Variants in KCNH1 observed in about 807,000 individuals in gnomAD.
KCNH1 encodes voltage-gated delayed rectifier potassium channel KCNH1.
Under a neutral mutation model 69.2 loss-of-function variants are expected in KCNH1, and 27 were observed. That is an observed-to-expected ratio of 0.39 (90% CI 0.29 to 0.54). The LOEUF is 0.54. KCNH1 is among the 20% of genes least tolerant of loss of function. The pLI is 0.68. For missense variants in KCNH1, 798 were observed against 1,261.6 expected, an observed-to-expected ratio of 0.63 and a Z score of 5.57; for synonymous variants, 456 against 487.7, an observed-to-expected ratio of 0.93 and a Z score of 0.86.
chr1:210,806,836 AATAT>A (rs1553346590), intron 7 of KCNH1, among the ~76,000 whole-genome samples: 5 of 85,684 alleles, frequency 5.8e-5, no homozygotes, highest in East Asian at 4.2e-4. Flanking sequence ...AAAAAAAAAA[AATAT>A]ATATATATAT....
intron 6 of KCNH1, among the ~76,000 whole-genome samples, chr1:210,966,784 C>T (rs1013788854): frequency 2.0e-5 from 3 of 152,274 alleles, no homozygotes; most frequent in Admixed American, 2.0e-4. Flanking sequence ...TAAATTAGTT[C>T]AACCATTGTG....
chr1:210,991,773 G>T (rs1372977176), intron 6 of KCNH1, among the ~76,000 whole-genome samples: 1 of 152,084 alleles, frequency 6.6e-6, no homozygotes, highest in Non-Finnish European at 1.5e-5. Context: ...AATAAAGTAA[G>T]ATTTAAATTG....
intron 6 of KCNH1, among the ~76,000 whole-genome samples, chr1:211,009,633 G>T (rs1315825844): frequency 6.6e-6 from 1 of 151,248 alleles, no homozygotes; most frequent in East Asian, 1.9e-4. Flanking sequence ...TTTTGAGATG[G>T]AGTCGCGCTC....
At chr1:210,956,278 T>C (rs541316957) in intron 6 of KCNH1, among the ~76,000 whole-genome samples, 32 of 152,348 alleles carry the variant, frequency 2.1e-4, no homozygotes, top group African/African-American at 7.5e-4. Context: ...GGAAAAGATT[T>C]TGATGTGCTG....
intron 1 of KCNH1, among the ~76,000 whole-genome samples, chr1:211,117,335 C>G (rs1312970974): frequency 6.6e-6 from 1 of 152,084 alleles, no homozygotes; most frequent in African/African-American, 2.4e-5. Flanking sequence ...AGCTCTCTCC[C>G]CCTTGCATCT....
At position 210,680,914 on chromosome 1, in the gene KCNH1, C is replaced by A. The variant is rs1364299867; in HGVS notation, c.*2367G>T. The A allele has an allele frequency of 6.6e-6, 1 of 152,190 alleles. No individual in the cohort carries two copies. Among genetic ancestry groups the A allele is most frequent in the Non-Finnish European group, 1.5e-5 (1 of 68,042 alleles). 9.4% of individuals were successfully genotyped at this position (152,190 alleles called of 1,614,324 possible). A position where few individuals can be genotyped will look rare whatever the true frequency, so the allele number is the denominator to read the frequency against. The stretch of plus-strand genomic sequence containing the variant: ...CCTTATACCATCTTTGCCCCTCATA[C>A]CCAGAGGTCTGAGAAATTTCACGGA... On this transcript the variant is annotated 3_prime_UTR_variant, in exon 11 of 11. Coordinates refer to ENST00000271751, the MANE Select transcript of KCNH1 (RefSeq NM_172362.3).
intron 1 of KCNH1, among the ~76,000 whole-genome samples, chr1:211,113,540 G>A (rs1361932439): frequency 1.3e-5 from 2 of 152,124 alleles, no homozygotes; most frequent in Admixed American, 6.5e-5. Flanking sequence ...TAACAGTCCT[G>A]CTCCCATACA....
intron 1 of KCNH1, among the ~76,000 whole-genome samples, chr1:211,112,695 G>A (rs2102490883): frequency 6.6e-6 from 1 of 152,050 alleles, no homozygotes; most frequent in Admixed American, 6.5e-5. Flanking sequence ...ATAGCTCTAG[G>A]GAGCAAGATT....
intron 7 of KCNH1, among the ~76,000 whole-genome samples, chr1:210,810,859 C>T (rs530103454): frequency 2.9e-4 from 44 of 152,252 alleles, no homozygotes; most frequent in African/African-American, 9.1e-4. Flanking sequence ...GATATCCACT[C>T]GTATTTAAGA....
At chr1:210,763,977 G>C (rs1007207186) in intron 10 of KCNH1, among the ~76,000 whole-genome samples, 2 of 151,860 alleles carry the variant, frequency 1.3e-5, no homozygotes, top group African/African-American at 4.8e-5. Context: ...AGTACATTAC[G>C]AGGTTACAGT....
intron 7 of KCNH1, among the ~76,000 whole-genome samples, chr1:210,871,096 C>T (rs1474981125): frequency 6.6e-6 from 1 of 152,108 alleles, no homozygotes; most frequent in Admixed American, 6.5e-5. Context: ...AAAGAAACTA[C>T]CATCAGAGTG....
chr1:211,129,883 G>A (rs1691846093), intron 1 of KCNH1, among the ~76,000 whole-genome samples: 1 of 152,192 alleles, frequency 6.6e-6, no homozygotes, highest in South Asian at 2.1e-4. Flanking sequence ...AATGTGCTGT[G>A]TTTCACTCCT....
intron 10 of KCNH1, among the ~76,000 whole-genome samples, chr1:210,695,833 C>T (rs1373142133): frequency 6.6e-6 from 1 of 152,214 alleles, no homozygotes; most frequent in African/African-American, 2.4e-5. Context: ...ACCAAGTCCA[C>T]CCTCCACACT....
intron 5 of KCNH1, among the ~76,000 whole-genome samples, chr1:211,034,109 T>C (rs1236642331): frequency 1.3e-5 from 2 of 152,310 alleles, no homozygotes; most frequent in Non-Finnish European, 2.9e-5. Flanking sequence ...AATGAAAACT[T>C]ATGTTCACAT....
chr1:210,723,722 A>T (rs888513911), intron 10 of KCNH1, among the ~76,000 whole-genome samples: 2 of 152,030 alleles, frequency 1.3e-5, no homozygotes, highest in African/African-American at 4.8e-5. Context: ...ATACCAAAAA[A>T]CCCCAACAAT....
intron 6 of KCNH1, among the ~76,000 whole-genome samples, chr1:210,982,146 T>C (rs1435032236): frequency 6.6e-6 from 1 of 152,064 alleles, no homozygotes; most frequent in Non-Finnish European, 1.5e-5. Context: ...TCTCTTTTCA[T>C]AAAATTTTCA....
intron 5 of KCNH1, among the ~76,000 whole-genome samples, chr1:211,066,603 C>A (rs1252271250): frequency 6.6e-6 from 1 of 152,100 alleles, no homozygotes; most frequent in African/African-American, 2.4e-5. Context: ...CCTGTATATG[C>A]CATAGGGTTC....
intron 7 of KCNH1, among the ~76,000 whole-genome samples, chr1:210,851,050 C>T (rs868237063): frequency 2.2e-4 from 34 of 152,180 alleles, no homozygotes; most frequent in African/African-American, 8.0e-4. Flanking sequence ...CTTCATGGCC[C>T]ACGTATCCTC....
chr1:210,987,300 A>G (rs11119651), intron 6 of KCNH1, among the ~76,000 whole-genome samples: 36,119 of 152,048 alleles, frequency 0.24, 5,876 homozygotes, highest in African/African-American at 0.45. Flanking sequence ...GCCATTCTCC[A>G]CCCAGCTTTG....
Sources: gnomAD v4.1 joint callset for allele counts (sites outside exome capture counted in the v4.1 genomes callset) on GRCh38, gnomAD v4.1.1 for gene constraint, MANE v1.5 for transcripts, NCBI Gene and HGNC (gene_info 2026-07-23, HGNC 2026-07-21) for gene names.